ADGRF5: variants seen among roughly 807,000 people sequenced by gnomAD.
ADGRF5 encodes G-protein coupled receptor 116.
In ADGRF5, 75 loss-of-function variants were observed where a neutral mutation model predicts 132.3. The ratio of observed to expected loss-of-function variants is 0.57; its 90% CI spans 0.47 to 0.69. The LOEUF (loss-of-function observed/expected upper bound fraction) is 0.69, where lower values mean the gene tolerates loss of function less well. Among genes scored for constraint, ADGRF5 ranks in the 30% least tolerant of loss-of-function variants. The probability of loss-of-function intolerance (pLI) is 0.00; values close to 1 mark genes in which losing one functional copy is unlikely to be tolerated. For missense variants in ADGRF5, 1,516 were observed against 1,630.6 expected (o/e 0.93, Z 1.21); for synonymous variants, 629 against 597.6 (o/e 1.05, Z -0.77).
At chr6:46,883,013 GT>G (rs968125515) in intron 6 of ADGRF5, among the ~76,000 whole-genome samples, 2 of 152,216 alleles carry the variant, frequency 1.3e-5, no homozygotes, top group African/African-American at 4.8e-5. Flanking sequence ...CTAGCAAAGT[GT>G]TTAGGTTTAG....
At chr6:46,937,922 T>C (rs550184351) in intron 1 of ADGRF5, among the ~76,000 whole-genome samples, 2 of 152,302 alleles carry the variant, frequency 1.3e-5, no homozygotes, top group South Asian at 4.1e-4. Context: ...TAGCATGTAA[T>C]TTAAAACTTA....
At chr6:46,950,828 T>A (rs1464599367) in intron 1 of ADGRF5, among the ~76,000 whole-genome samples, 4 of 152,220 alleles carry the variant, frequency 2.6e-5, no homozygotes, top group Non-Finnish European at 5.9e-5. Context: ...GGTGTTTTTT[T>A]AAAGGAACCT....
At chr6:46,863,353 C>G in intron 14 of ADGRF5, 1 of 552,604 alleles carries the variant, frequency 1.8e-6, no homozygotes. Context: ...TGGAGATTCT[C>G]AACTGTGACA....
At chr6:46,954,547 A>G (rs1258941899) in intron 1 of ADGRF5, among the ~76,000 whole-genome samples, 1 of 152,184 alleles carries the variant, frequency 6.6e-6, no homozygotes, top group Non-Finnish European at 1.5e-5. Context: ...TACAGATTTG[A>G]AAAATCCATA....
At chr6:46,916,954 T>G (rs1246184900) in intron 1 of ADGRF5, among the ~76,000 whole-genome samples, 1 of 152,248 alleles carries the variant, frequency 6.6e-6, no homozygotes, top group African/African-American at 2.4e-5. Flanking sequence ...GCGCTATTCT[T>G]GGTAACTGAA....
chr6:46,886,167 C>CA (rs1040544527), intron 4 of ADGRF5, among the ~76,000 whole-genome samples: 8 of 152,180 alleles, frequency 5.3e-5, no homozygotes, highest in African/African-American at 1.9e-4. Context: ...GGTAGCCAGG[C>CA]AAAGTCCCAC....
intron 1 of ADGRF5, among the ~76,000 whole-genome samples, chr6:46,918,749 C>T (rs1776638452): frequency 1.3e-5 from 2 of 152,204 alleles, no homozygotes; most frequent in African/African-American, 4.8e-5. Flanking sequence ...TTCTGATGTG[C>T]AGATGTGTCT....
At position 46,859,360 on chromosome 6, in the gene ADGRF5, T is replaced by C. The variant is rs1562141360; in HGVS notation, c.2543A>G (p.Gln848Arg). 6.2e-7 allele frequency: 1 copy of C among 1,613,914 alleles called. No individual in the cohort carries two copies. Among genetic ancestry groups the C allele is most frequent in the Non-Finnish European group, 8.5e-7 (1 of 1,179,804 alleles). Reference protein sequence around the residue: ...SGDSPPLSFSQTNVQMSSMVI... With the variant: ...SGDSPPLSFSRTNVQMSSMVI... Reference sequence around the variant, plus strand: ...CATGCTGCTCATCTGCACATTAGTTTGGGAGAAGGACAAAGGAGGGCTATC... The same window carrying C: ...CATGCTGCTCATCTGCACATTAGTTCGGGAGAAGGACAAAGGAGGGCTATC... Residue 848 changes from glutamine to arginine, a missense_variant, in exon 17 of 21, where the codon CAA becomes CGA. Transcript: ENST00000283296.
chr6:46,853,807 G>C lies in ADGRF5; in HGVS notation c.*185C>G. 3 of 483,546 alleles carry C rather than the reference G, an allele frequency of 6.2e-6. No individual in the cohort carries two copies. In the South Asian group the frequency reaches 7.1e-5, roughly 11 times the overall value. The allele number at this position is 483,546 out of a possible 1,614,324, so 30.0% of individuals were successfully genotyped here. On this transcript the variant is annotated 3_prime_UTR_variant, in exon 21 of 21. Coordinates refer to ENST00000283296, the MANE Select transcript of ADGRF5 (RefSeq NM_001098518.2). ...AAGGGGGAGGGGGAGGGAACAAACA[G>C]AAACATAACAATTATTTTTATTCTG...
chr6:46,864,957 T>C lies in ADGRF5; in HGVS notation c.1990+85A>G, dbSNP rs1770242526. The C allele has an allele frequency of 9.0e-6, 8 of 886,366 alleles. No homozygotes were observed. In the South Asian group the frequency reaches 1.3e-4, roughly 14 times the overall value. 54.9% of individuals were successfully genotyped at this position (886,366 alleles called of 1,614,324 possible). ...GTGAGGGTATTTAACATATGTTTAT[T>C]GAATGGGGATGAATGAGGGAGTGAA... is the stretch of plus-strand genomic sequence containing the variant. On this transcript the variant is annotated intron_variant, in intron 14 of 20. Transcript: ENST00000283296.
Position 46,856,911 on chromosome 6 carries a change from G to GA in ADGRF5, c.3775-4dup. On this transcript the variant is annotated splice_polypyrimidine_tract_variant and splice_region_variant and intron_variant, in intron 17 of 20. Transcript: ENST00000283296. ...CCAAAGAGTAAAATGAATAATCCCT[G>GA]AGAAAAAAAAGATTGAAAAGAAGTG... The GA allele has an allele frequency of 6.2e-7, 1 of 1,601,688 alleles. No homozygotes were observed. Among genetic ancestry groups the GA allele is most frequent in the Non-Finnish European group, 8.5e-7 (1 of 1,170,998 alleles).
intron 1 of ADGRF5, among the ~76,000 whole-genome samples, chr6:46,947,576 A>C (rs1778345777): frequency 6.6e-6 from 1 of 152,160 alleles, no homozygotes; most frequent in South Asian, 2.1e-4. Context: ...GGGCAGGATA[A>C]AGGGTTAAGT....
At chr6:46,875,733 C>T (rs545625488) in intron 10 of ADGRF5, among the ~76,000 whole-genome samples, 8 of 152,162 alleles carry the variant, frequency 5.3e-5, no homozygotes, top group Non-Finnish European at 7.4e-5. Flanking sequence ...GTCGAGATTG[C>T]GCCACTGCAC....
chr6:46,919,197 C>T (rs1349670535), intron 1 of ADGRF5, among the ~76,000 whole-genome samples: 4 of 152,156 alleles, frequency 2.6e-5, no homozygotes, highest in Non-Finnish European at 2.9e-5. Flanking sequence ...CGCATCAATT[C>T]TCTATTCCAC....
intron 3 of ADGRF5, among the ~76,000 whole-genome samples, chr6:46,895,203 C>G (rs1175562223): frequency 6.6e-6 from 1 of 151,970 alleles, no homozygotes; most frequent in Non-Finnish European, 1.5e-5. Flanking sequence ...TAACATTATT[C>G]CTATCAGGCT....
chr6:46,857,787 C>CT (rs55861544), intron 17 of ADGRF5, among the ~76,000 whole-genome samples: 127,108 of 152,082 alleles, frequency 0.84, 54,922 homozygotes, highest in East Asian at 0.99. Flanking sequence ...GGGGCAATCC[C>CT]TGTCCTCACA....
At chr6:46,866,851 A>G (rs1020469177) in intron 13 of ADGRF5, 74 bp downstream of exon 13, 16 of 868,518 alleles carry the variant, frequency 1.8e-5, no homozygotes, top group Non-Finnish European at 2.9e-5. Context: ...CTTGATCCCT[A>G]TTTTAAGACT....
intron 2 of ADGRF5, chr6:46,905,442 T>A (rs1775242086): frequency 6.6e-6 from 1 of 151,734 alleles, no homozygotes; most frequent in South Asian, 2.1e-4. Flanking sequence ...TGAAACAAAA[T>A]CCTGAAGGTA....
intron 4 of ADGRF5, chr6:46,887,966 G>T (rs531319318): frequency 6.4e-6 from 1 of 156,000 alleles, no homozygotes; most frequent in African/African-American, 2.8e-5. Context: ...AGTCCTTGTT[G>T]TGTCCATTGA....
Sources: gnomAD v4.1 joint callset for allele counts (sites outside exome capture counted in the v4.1 genomes callset) on GRCh38, gnomAD v4.1.1 for gene constraint, MANE v1.5 for transcripts, NCBI Gene and HGNC (gene_info 2026-07-23, HGNC 2026-07-21) for gene names.